RIN2: variants seen among roughly 807,000 people sequenced by gnomAD.
RIN2 encodes the protein Ras and Rab interactor 2, also known as RAB5 interacting protein 2.
Under a neutral mutation model 78.0 loss-of-function variants are expected in RIN2, and 36 were observed. The observed-to-expected ratio is 0.46, with a 90% confidence interval of 0.35 to 0.61. The LOEUF (loss-of-function observed/expected upper bound fraction) is 0.61, where lower values mean the gene tolerates loss of function less well. Ranked by LOEUF, RIN2 falls within the 20% of genes least tolerant of loss-of-function variation. The pLI is 0.00. For synonymous variants in RIN2, 466 were observed against 466.8 expected (o/e 1.00, Z 0.02); for missense variants, 1,087 against 1,159.7 (o/e 0.94, Z 0.91).
chr20:20,001,055 A>T lies in RIN2; in HGVS notation c.*119A>T. The T allele has an allele frequency of 1.0e-6, 1 of 958,640 alleles. No individual in the cohort carries two copies. Among genetic ancestry groups the T allele is most frequent in the Non-Finnish European group, 1.5e-6 (1 of 663,160 alleles). The allele number at this position is 958,640 out of a possible 1,614,324, so 59.4% of individuals were successfully genotyped here. On this transcript the variant is annotated 3_prime_UTR_variant, in exon 13 of 13. Transcript: ENST00000255006. ...TCCTCGGGGACCCCTCAGTGTAGTGACTAAGCCATCCACAGGCCAACTCGG... is the reference window on the plus strand; with the variant it reads ...TCCTCGGGGACCCCTCAGTGTAGTGTCTAAGCCATCCACAGGCCAACTCGG...
intron 3 of RIN2, chr20:19,895,624 C>A (rs1432268423): frequency 6.6e-6 from 1 of 152,236 alleles, no homozygotes; most frequent in Non-Finnish European, 1.5e-5. Flanking sequence ...CACGAACCAA[C>A]CGGGGTCATT....
intron 2 of RIN2, among the ~76,000 whole-genome samples, chr20:19,879,749 T>C (rs944742739): frequency 6.6e-6 from 1 of 152,200 alleles, no homozygotes. Context: ...GAGACTTCTC[T>C]AGAATTCCAA....
chr20:19,906,399 T>C (rs2123685980), intron 3 of RIN2, among the ~76,000 whole-genome samples: 1 of 152,252 alleles, frequency 6.6e-6, no homozygotes, highest in Non-Finnish European at 1.5e-5. Flanking sequence ...TAGTGAGCTA[T>C]AATCATGCCA....
chr20:19,820,475 C>T (rs972841741), intron 2 of RIN2, among the ~76,000 whole-genome samples: 6 of 152,170 alleles, frequency 3.9e-5, no homozygotes, highest in East Asian at 1.9e-4. Context: ...TTAGGAAATA[C>T]GAGAAGTGTG....
intron 2 of RIN2, among the ~76,000 whole-genome samples, chr20:19,810,607 C>G (rs902945415): frequency 2.0e-5 from 3 of 150,952 alleles, no homozygotes; most frequent in East Asian, 1.9e-4. Flanking sequence ...TGATTGCTCT[C>G]TCGTTAGTTT....
chr20:19,886,685 T>G (rs1354255747), intron 2 of RIN2: 1 of 1,540,774 alleles, frequency 6.5e-7, no homozygotes, highest in Non-Finnish European at 8.8e-7. Flanking sequence ...GGACTCATTT[T>G]CTCAAGAATC....
intron 3 of RIN2, among the ~76,000 whole-genome samples, chr20:19,929,037 C>G (rs2040340343): frequency 6.6e-6 from 1 of 152,172 alleles, no homozygotes; most frequent in South Asian, 2.1e-4. Context: ...TGCAGCTGTG[C>G]TGGGTGTTTG....
At chr20:19,926,040 G>A (rs2040209099) in intron 3 of RIN2, among the ~76,000 whole-genome samples, 2 of 152,200 alleles carry the variant, frequency 1.3e-5, no homozygotes, top group South Asian at 2.1e-4. Context: ...CCAGGGCTTC[G>A]TGTATCAGTG....
At chr20:19,925,103 A>T (rs1273111337) in intron 3 of RIN2, among the ~76,000 whole-genome samples, 3 of 151,724 alleles carry the variant, frequency 2.0e-5, no homozygotes, top group Non-Finnish European at 4.4e-5. Flanking sequence ...TGTGGAAAAA[A>T]AAAAAAAAAA....
intron 1 of RIN2, among the ~76,000 whole-genome samples, chr20:19,763,875 C>T (rs145696921): frequency 6.6e-6 from 1 of 152,244 alleles, no homozygotes; most frequent in East Asian, 1.9e-4. Context: ...TTTATAGTAT[C>T]CAAATGAGAA....
intron 2 of RIN2, among the ~76,000 whole-genome samples, chr20:19,844,621 C>CTTA (rs1216779460): frequency 2.6e-4 from 25 of 97,844 alleles, no homozygotes; most frequent in Middle Eastern, 8.6e-3. Context: ...TCTTCTTCTT[C>CTTA]TTCTTCTTCT....
chr20:19,910,466 C>T (rs994403919), intron 3 of RIN2, among the ~76,000 whole-genome samples: 1 of 151,844 alleles, frequency 6.6e-6, no homozygotes, highest in Non-Finnish European at 1.5e-5. Context: ...AGCCACCATG[C>T]TTGGCCTTCA....
At chr20:19,891,710 T>C (rs2038470360) in intron 3 of RIN2, among the ~76,000 whole-genome samples, 1 of 151,354 alleles carries the variant, frequency 6.6e-6, no homozygotes, top group Admixed American at 6.6e-5. Flanking sequence ...TCCCAGCTAC[T>C]TAGGAGGCTG....
chr20:19,817,198 T>A (rs1402810002), intron 2 of RIN2, among the ~76,000 whole-genome samples: 1 of 152,220 alleles, frequency 6.6e-6, no homozygotes, highest in Non-Finnish European at 1.5e-5. Context: ...TTCCGGCTGC[T>A]CTAACAAAAT....
At chr20:19,952,515 A>C (rs1169002248) in intron 4 of RIN2, among the ~76,000 whole-genome samples, 1 of 152,220 alleles carries the variant, frequency 6.6e-6, no homozygotes, top group Non-Finnish European at 1.5e-5. Flanking sequence ...TGCAAAGGCA[A>C]GGGATAATTA....
intron 5 of RIN2, among the ~76,000 whole-genome samples, chr20:19,959,539 T>C (rs1297577575): frequency 2.0e-5 from 3 of 152,164 alleles, no homozygotes; most frequent in Non-Finnish European, 4.4e-5. Context: ...AGCTTCATTC[T>C]TCACCAGATA....
chr20:19,945,723 C>T (rs1270530260), intron 4 of RIN2, among the ~76,000 whole-genome samples: 1 of 151,902 alleles, frequency 6.6e-6, no homozygotes, highest in East Asian at 1.9e-4. Context: ...ACATCATTGA[C>T]TTTTACAACC....
intron 2 of RIN2, among the ~76,000 whole-genome samples, chr20:19,813,873 G>T (rs2035680005): frequency 6.6e-6 from 1 of 152,032 alleles, no homozygotes; most frequent in Non-Finnish European, 1.5e-5. Context: ...TTTATTATCT[G>T]GGGTGTGGTT....
chr20:19,923,198 A>C (rs1836698533), intron 3 of RIN2, among the ~76,000 whole-genome samples: 1 of 151,982 alleles, frequency 6.6e-6, no homozygotes, highest in South Asian at 2.1e-4. Flanking sequence ...CGGGTGGATC[A>C]CAAGGTCAGG....
Sources: allele counts gnomAD v4.1 joint callset (sites outside exome capture counted in the v4.1 genomes callset), GRCh38; gene constraint gnomAD v4.1.1; transcripts MANE v1.5; gene names NCBI Gene and HGNC (gene_info 2026-07-23, HGNC 2026-07-21).